The following RBFOX1 variants were observed in gnomAD, a reference collection of about 807,000 sequenced individuals.
The protein encoded by RBFOX1 is RNA binding protein fox-1 homolog 1.
A neutral mutation model predicts 57.7 loss-of-function variants in RBFOX1; 8 were observed. The observed-to-expected ratio is 0.14, with a 90% confidence interval of 0.08 to 0.25. RBFOX1 has a LOEUF of 0.25. Ranked by LOEUF, RBFOX1 falls within the 10% of genes least tolerant of loss-of-function variation. The pLI is 1.00. For synonymous variants in RBFOX1, 326 were observed against 222.4 expected (o/e 1.47, Z -4.15); for missense variants, 611 against 548.5 (o/e 1.11, Z -1.14).
intron 3 of RBFOX1, among the ~76,000 whole-genome samples, chr16:7,036,835 G>A (rs2044614113): frequency 6.6e-6 from 1 of 152,188 alleles, no homozygotes; most frequent in East Asian, 1.9e-4. Context: ...TAGACAGAGT[G>A]GATGAAGGGC....
rs114913860 is a variant in RBFOX1, at chr16:5,461,864, C to T, written c.220-5352C>T. On this transcript the variant is annotated intron_variant, in intron 1 of 2. Coordinates refer to the RBFOX1 transcript ENST00000585867. ...CAGGCATTTATCTTTGAGAGCCATC[C>T]AGCTTCACTGAGCTCATAGAGTCTA... 2.4e-3 allele frequency among the ~76,000 whole-genome samples: 366 copies of T among 152,260 alleles called. 4 individuals carry two copies. Among genetic ancestry groups the T allele is most frequent in the African/African-American group, 8.4e-3 (351 of 41,550 alleles).
At chr16:6,435,917 G>C (rs1006093598) in intron 2 of RBFOX1, among the ~76,000 whole-genome samples, 4 of 152,098 alleles carry the variant, frequency 2.6e-5, no homozygotes, top group African/African-American at 9.7e-5. Context: ...CATGACTTCT[G>C]TTGCATCGTT....
At chr16:7,515,021 C>G (rs540874675) in intron 4 of RBFOX1, among the ~76,000 whole-genome samples, 8 of 152,228 alleles carry the variant, frequency 5.3e-5, no homozygotes, top group African/African-American at 1.7e-4. Flanking sequence ...CACAAGTCTA[C>G]CTTTCACTTC....
rs76424351 is a variant in RBFOX1 at position 7,154,118 on chromosome 16, G to A, written c.27+102020G>A. The stretch of plus-strand genomic sequence containing the variant: ...TATTAGCAGGTAGAAAAGCACTCAA[G>A]ATTGTTTTTGCACATCATAGTTCAT... On this transcript the variant is annotated intron_variant, in intron 4 of 15. Coordinates refer to ENST00000550418, the MANE Select transcript of RBFOX1 (RefSeq NM_018723.4). Among the ~76,000 whole-genome samples the A allele has an allele frequency of 5.9e-5, 9 of 152,280 alleles. No individual in the cohort carries two copies. In the East Asian group the frequency reaches 1.5e-3, roughly 26 times the overall value.
chr16:7,013,007 G>A (rs1568367408), intron 3 of RBFOX1, among the ~76,000 whole-genome samples: 4 of 152,018 alleles, frequency 2.6e-5, no homozygotes, highest in African/African-American at 9.7e-5. Context: ...GTGTACAGGT[G>A]GAGAGAGAGA....
chr16:7,695,196 C>T (rs1245078161), intron 14 of RBFOX1, among the ~76,000 whole-genome samples: 1 of 152,106 alleles, frequency 6.6e-6, no homozygotes, highest in Non-Finnish European at 1.5e-5. Flanking sequence ...ATGTTGCATG[C>T]TTCATAAGGT....
intron 3 of RBFOX1, among the ~76,000 whole-genome samples, chr16:6,791,989 C>A (rs2083055548): frequency 6.6e-6 from 1 of 152,158 alleles, no homozygotes; most frequent in Non-Finnish European, 1.5e-5. Flanking sequence ...TATAGTCTGA[C>A]TTTGAACTCT....
chr16:7,298,349 C>T (rs2095949003), intron 4 of RBFOX1, among the ~76,000 whole-genome samples: 1 of 139,922 alleles, frequency 7.1e-6, no homozygotes, highest in Non-Finnish European at 1.5e-5. Context: ...AGTGCAGTAG[C>T]ATGATCTCAG....
chr16:5,727,433 A>T (rs1237912702), intron 3 of RBFOX1, among the ~76,000 whole-genome samples: 1 of 152,206 alleles, frequency 6.6e-6, no homozygotes, highest in East Asian at 1.9e-4. Flanking sequence ...TATACTGTGA[A>T]ACGCTCACCA....
chr16:6,971,607 G>C (rs186889327), intron 3 of RBFOX1, among the ~76,000 whole-genome samples: 1 of 152,030 alleles, frequency 6.6e-6, no homozygotes, highest in Non-Finnish European at 1.5e-5. Flanking sequence ...CATGGAATAT[G>C]GTGTACTGAT....
chr16:7,018,654 C>G (rs1253685559), intron 3 of RBFOX1, among the ~76,000 whole-genome samples: 1 of 152,156 alleles, frequency 6.6e-6, no homozygotes, highest in Non-Finnish European at 1.5e-5. Flanking sequence ...AATTGCCACA[C>G]TGTGTTCCAC....
intron 4 of RBFOX1, among the ~76,000 whole-genome samples, chr16:7,344,799 G>A (rs2096963563): frequency 6.6e-6 from 1 of 152,226 alleles, no homozygotes; most frequent in African/African-American, 2.4e-5. Flanking sequence ...TCCTCCCGCA[G>A]ACCACACAAT....
chr16:6,868,364 A>T (rs1030067964), intron 3 of RBFOX1, among the ~76,000 whole-genome samples: 3 of 152,186 alleles, frequency 2.0e-5, no homozygotes, highest in Non-Finnish European at 4.4e-5. Context: ...TAAAGGGATT[A>T]TGGATCTAGA....
At chr16:7,286,666 C>G (rs1037754075) in intron 4 of RBFOX1, among the ~76,000 whole-genome samples, 1 of 146,758 alleles carries the variant, frequency 6.8e-6, no homozygotes, top group Non-Finnish European at 1.5e-5. Flanking sequence ...CTCTGTCACC[C>G]AGGATGGAGT....
At chr16:6,637,447 A>T in intron 2 of RBFOX1, among the ~76,000 whole-genome samples, 1 of 80,832 alleles carries the variant, frequency 1.2e-5, no homozygotes, top group Non-Finnish European at 2.2e-5. Context: ...AATATATGTA[A>T]ATGTATATAA....
intron 2 of RBFOX1, among the ~76,000 whole-genome samples, chr16:5,514,671 C>T (rs1019367506): frequency 1.3e-5 from 2 of 151,654 alleles, no homozygotes; most frequent in African/African-American, 4.9e-5. Context: ...ATAGGAAGCT[C>T]ACATTGAAAT....
rs1272441812 is a variant in RBFOX1, at chr16:7,630,582, A to G, written c.677-21A>G. On this transcript the variant is annotated intron_variant, in intron 10 of 15. Coordinates refer to ENST00000550418, the MANE Select transcript of RBFOX1 (RefSeq NM_018723.4). ...TGTACCGATTCCCAAACCAGATACC[A>G]TCTCTCTCTCTCTTTCGTAGGCACG... The G allele has an allele frequency of 5.6e-6, 9 of 1,609,760 alleles. No homozygotes were observed. The Admixed American group carries it at 1.0e-4, about 18-fold the overall frequency.
At chr16:6,366,276 G>C (rs768486987) in intron 2 of RBFOX1, among the ~76,000 whole-genome samples, 8 of 151,950 alleles carry the variant, frequency 5.3e-5, no homozygotes, top group Admixed American at 3.3e-4. Flanking sequence ...TTTTTCCCTT[G>C]CTTTTGACAG....
intron 3 of RBFOX1, among the ~76,000 whole-genome samples, chr16:5,765,145 G>C (rs918175552): frequency 2.6e-5 from 4 of 152,118 alleles, no homozygotes; most frequent in African/African-American, 9.7e-5. Flanking sequence ...GTGGGAGCTG[G>C]GAGACTCTTT....
Sources: allele counts gnomAD v4.1 joint callset (sites outside exome capture counted in the v4.1 genomes callset), GRCh38; gene constraint gnomAD v4.1.1; transcripts MANE v1.5; gene names NCBI Gene and HGNC (gene_info 2026-07-23, HGNC 2026-07-21).